ADAMTS3: variants seen among roughly 807,000 people sequenced by gnomAD.
The protein encoded by ADAMTS3 is ADAM metallopeptidase with thrombospondin type 1 motif 3, also known as A disintegrin and metalloproteinase with thrombospondin motifs 3.
In ADAMTS3, 73 loss-of-function variants were observed where a neutral mutation model predicts 129.0. The observed-to-expected ratio is 0.57, with a 90% CI of 0.47 to 0.69. ADAMTS3 has a LOEUF of 0.69. Ranked by LOEUF, ADAMTS3 falls within the 30% of genes least tolerant of loss-of-function variation. ADAMTS3 has a pLI of 0.00. For synonymous variants in ADAMTS3, 477 were observed against 510.8 expected (o/e 0.93, Z 0.89); for missense variants, 1,457 against 1,514.5 (o/e 0.96, Z 0.63).
At chr4:72,416,716 A>C (rs1722314739) in intron 3 of ADAMTS3, among the ~76,000 whole-genome samples, 1 of 152,170 alleles carries the variant, frequency 6.6e-6, no homozygotes, top group African/African-American at 2.4e-5. Context: ...CCTCTTCTAC[A>C]AATATAATTT....
chr4:72,519,800 G>A (rs36170245), intron 3 of ADAMTS3, among the ~76,000 whole-genome samples: 47,143 of 151,960 alleles, frequency 0.31, 7,460 homozygotes, highest in Middle Eastern at 0.35. Flanking sequence ...CCTGTAGCTC[G>A]GAGTAGTTTG....
Position 72,309,392 on chromosome 4 carries a change from C to T in ADAMTS3, c.2179+5G>A. The T allele has an allele frequency of 6.2e-7, 1 of 1,611,336 alleles. No homozygotes were observed. The highest frequency in any genetic ancestry group is 8.5e-7 in the Non-Finnish European group (1 of 1,178,068). On this transcript the variant is annotated splice_donor_5th_base_variant and intron_variant, in intron 15 of 21. Transcript: ENST00000286657. ...ATACTAAATCCATGAGAGACCTCATCTTACCAAGCTTCCTGGGAGTTCTGG... is the reference window on the plus strand; with the variant it reads ...ATACTAAATCCATGAGAGACCTCATTTTACCAAGCTTCCTGGGAGTTCTGG...
intron 3 of ADAMTS3, among the ~76,000 whole-genome samples, chr4:72,520,379 C>A (rs1193136799): frequency 1.3e-5 from 2 of 152,198 alleles, no homozygotes. Context: ...AGCTGTCAGA[C>A]AGGGACATTT....
chr4:72,520,300 A>C (rs1720628374), intron 3 of ADAMTS3, among the ~76,000 whole-genome samples: 1 of 152,324 alleles, frequency 6.6e-6, no homozygotes, highest in East Asian at 1.9e-4. Flanking sequence ...TCAGGGACCC[A>C]CTTGAGGAGG....
intron 4 of ADAMTS3, among the ~76,000 whole-genome samples, chr4:72,409,278 G>A (rs1442680705): frequency 1.3e-5 from 2 of 152,076 alleles, no homozygotes; most frequent in African/African-American, 2.4e-5. Context: ...TACTAGCAAA[G>A]CTTTTTCCTG....
intron 18 of ADAMTS3, among the ~76,000 whole-genome samples, chr4:72,296,428 G>T (rs1422204546): frequency 6.6e-6 from 1 of 151,776 alleles, no homozygotes. Flanking sequence ...AGTTACTGAG[G>T]GTCTCTCAAA....
chr4:72,562,631 T>C (rs2679033), intron 2 of ADAMTS3, among the ~76,000 whole-genome samples: 146,791 of 152,192 alleles, frequency 0.96, 71,031 homozygotes, highest in East Asian at 1. Flanking sequence ...AATAAGAACA[T>C]GCTAAATTAT....
Position 72,355,505 on chromosome 4 carries a change from CTTAATACTCATTGTGATGGTA to C in ADAMTS3, c.662-15833_662-15813del, listed in dbSNP as rs1578609582. 1.1e-4 allele frequency among the ~76,000 whole-genome samples: 16 copies of C among 152,178 alleles called. 1 individual carries two copies. The South Asian group carries it at 3.3e-3, about 32-fold the overall frequency. ...TCTTATCACAATGCTCATATTGAAA[CTTAATACTCATTGTGATGGTA>C]TTAAGAGGTGATTAAGTCTTAATGG... is the stretch of plus-strand genomic sequence containing the variant. On this transcript the variant is annotated intron_variant, in intron 4 of 21. Transcript: ENST00000286657.
At chr4:72,519,142 C>T (rs1720584141) in intron 3 of ADAMTS3, among the ~76,000 whole-genome samples, 1 of 152,012 alleles carries the variant, frequency 6.6e-6, no homozygotes. Context: ...AAATTCTTTT[C>T]TTTAAGAATG....
chr4:72,425,980 T>G (rs1419666455), intron 3 of ADAMTS3, among the ~76,000 whole-genome samples: 1 of 152,064 alleles, frequency 6.6e-6, no homozygotes, highest in Non-Finnish European at 1.5e-5. Context: ...TTTCTCCACA[T>G]CCTCTCTAGC....
intron 3 of ADAMTS3, among the ~76,000 whole-genome samples, chr4:72,431,282 C>T (rs1345432784): frequency 1.3e-5 from 2 of 151,916 alleles, no homozygotes; most frequent in Non-Finnish European, 2.9e-5. Flanking sequence ...GTTCCAGGAA[C>T]TGCGGATAAT....
At chr4:72,393,760 AT>A (rs556607932) in intron 4 of ADAMTS3, among the ~76,000 whole-genome samples, 30 of 152,348 alleles carry the variant, frequency 2.0e-4, no homozygotes, top group Admixed American at 9.1e-4. Flanking sequence ...TTTTAAATAC[AT>A]GTAATGTCTG....
Position 72,499,784 on chromosome 4 carries a change from C to CA in ADAMTS3, c.504+48693dup, listed in dbSNP as rs540349535. On this transcript the variant is annotated intron_variant, in intron 3 of 21. Transcript: ENST00000286657. ...ACTTTTGCCATCCTTCCTAGCTCCC[C>CA]ACTGTAGTGGTCCCTCGGTGTCCAT... 1.1e-3 allele frequency among the ~76,000 whole-genome samples: 161 copies of CA among 152,170 alleles called. 1 individual carries two copies. In the South Asian group the frequency reaches 0.012, roughly 11 times the overall value.
intron 3 of ADAMTS3, among the ~76,000 whole-genome samples, chr4:72,473,346 C>T (rs769744320): frequency 1.3e-4 from 20 of 151,672 alleles, no homozygotes; most frequent in Non-Finnish European, 2.9e-5. Context: ...TTCTTTTATC[C>T]CAGATTTGCA....
chr4:72,283,478 A>T lies in ADAMTS3; in HGVS notation c.3276T>A (p.Tyr1092Ter). 1 of 1,614,062 alleles carries T rather than the reference A, an allele frequency of 6.2e-7. No homozygotes were observed. Among genetic ancestry groups the T allele is most frequent in the Non-Finnish European group, 8.5e-7 (1 of 1,179,982 alleles). The stretch of plus-strand genomic sequence containing the variant: ...TCTTCTTTGCAGGGGTCTCTGAATG[A>T]TAAGGAACCAAAGATGTAGGCATCA... ...SLVMPTSLVP[Y>*]HSETPAKKMS... The change falls in exon 22 of 22, where the codon TAT (tyrosine) becomes TAA (stop). Residue 1092 changes from tyrosine to a stop codon, truncating the protein, a stop_gained. Transcript: ENST00000286657. LOFTEE classifies it low-confidence loss of function (END_TRUNC).
At chr4:72,320,145 G>T (rs1477628674) in intron 7 of ADAMTS3, among the ~76,000 whole-genome samples, 182 bp from the exon 8 acceptor site, 2 of 152,134 alleles carry the variant, frequency 1.3e-5, no homozygotes, top group African/African-American at 4.8e-5. Flanking sequence ...TCTCTAAAAA[G>T]GTTCACTGGG....
At chr4:72,340,618 A>AT (rs1288620540) in intron 4 of ADAMTS3, among the ~76,000 whole-genome samples, 1 of 151,964 alleles carries the variant, frequency 6.6e-6, no homozygotes, top group African/African-American at 2.4e-5. Flanking sequence ...AGAAACTTAC[A>AT]TTTTTTTACT....
intron 21 of ADAMTS3, among the ~76,000 whole-genome samples, chr4:72,284,397 ATTGTGCC>A (rs1325616227): frequency 6.6e-6 from 1 of 150,818 alleles, no homozygotes; most frequent in East Asian, 2.0e-4. Context: ...GTGAGCCAAG[ATTGTGCC>A]ACTGCACTCC....
chr4:72,530,060 TGTTATATATAAC>T (rs1231481531), intron 3 of ADAMTS3, among the ~76,000 whole-genome samples: 1 of 896 alleles, frequency 1.1e-3, no homozygotes, highest in African/African-American at 3.1e-3. Flanking sequence ...ATATATAATA[TGTTATATATAAC>T]ATATTATATT....
Sources: allele counts gnomAD v4.1 joint callset (sites outside exome capture counted in the v4.1 genomes callset), GRCh38; gene constraint gnomAD v4.1.1; transcripts MANE v1.5; gene names NCBI Gene and HGNC (gene_info 2026-07-23, HGNC 2026-07-21).